MTMR7: variants seen among roughly 807,000 people sequenced by gnomAD.
The protein encoded by MTMR7 is myotubularin related protein 7, also known as phosphatidylinositol-3-phosphate phosphatase MTMR7.
In MTMR7, 76 loss-of-function variants were observed where a neutral mutation model predicts 81.2. That is an observed-to-expected ratio of 0.94 (90% CI 0.78 to 1.13). The LOEUF (loss-of-function observed/expected upper bound fraction) is 1.13, where lower values mean the gene tolerates loss of function less well. Ranked by LOEUF, MTMR7 falls within the 50% of genes most tolerant of loss-of-function variation. The pLI, the probability that MTMR7 is intolerant of heterozygous loss-of-function variation, is 0.00. For missense variants in MTMR7, 1,044 were observed against 820.0 expected (o/e 1.27, Z -3.34); for synonymous variants, 372 against 289.8 (o/e 1.28, Z -2.88).
chr8:17,400,952 G>C (rs1821408840), intron 1 of MTMR7, among the ~76,000 whole-genome samples: 1 of 152,176 alleles, frequency 6.6e-6, no homozygotes, highest in Non-Finnish European at 1.5e-5. Context: ...AAAAGTTGAA[G>C]TCTGGTGGTC....
intron 1 of MTMR7, among the ~76,000 whole-genome samples, chr8:17,403,133 T>C (rs1286207417): frequency 6.6e-6 from 1 of 152,246 alleles, no homozygotes; most frequent in Non-Finnish European, 1.5e-5. Context: ...GAGCCCCTTA[T>C]ATATTCTGGT....
At chr8:17,316,051 C>T (rs945571579) in intron 7 of MTMR7, among the ~76,000 whole-genome samples, 1 of 152,122 alleles carries the variant, frequency 6.6e-6, no homozygotes, top group African/African-American at 2.4e-5. Context: ...CTCGTGTTTT[C>T]GTGTCATCCT....
At chr8:17,342,152 G>T (rs534422792) in intron 5 of MTMR7, among the ~76,000 whole-genome samples, 1 of 152,298 alleles carries the variant, frequency 6.6e-6, no homozygotes, top group East Asian at 1.9e-4. Flanking sequence ...AATTCTGACA[G>T]AGTAGATTGC....
rs541480668 is a variant in MTMR7, at chr8:17,377,628, A to C, written c.25-4388T>G. Reference sequence around the variant, plus strand: ...TTTCAGATTTCACAGTCAGTTTGTTAACTGTCATTCTTTTTGTTTAATAAC... The same window carrying C: ...TTTCAGATTTCACAGTCAGTTTGTTCACTGTCATTCTTTTTGTTTAATAAC... On this transcript the variant is annotated intron_variant, in intron 1 of 13. Coordinates refer to ENST00000180173, the MANE Select transcript of MTMR7 (RefSeq NM_004686.5). Among the ~76,000 whole-genome samples, 13 of 152,144 alleles carry C rather than the reference A, an allele frequency of 8.5e-5. 2 individuals carry two copies. The highest frequency in any genetic ancestry group is 3.1e-4 in the African/African-American group (13 of 41,532).
chr8:17,393,081 G>T (rs1032971479), intron 1 of MTMR7, among the ~76,000 whole-genome samples: 1 of 152,172 alleles, frequency 6.6e-6, no homozygotes, highest in Non-Finnish European at 1.5e-5. Context: ...GATAGACAAA[G>T]ATATTAAAGG....
chr8:17,363,823 T>C (rs951062478), intron 3 of MTMR7, among the ~76,000 whole-genome samples: 3 of 151,796 alleles, frequency 2.0e-5, no homozygotes, highest in Admixed American at 1.3e-4. Context: ...ATTGTTCCCA[T>C]GTCATAATTT....
At chr8:17,356,575 G>A (rs1360825127) in intron 4 of MTMR7, among the ~76,000 whole-genome samples, 1 of 152,020 alleles carries the variant, frequency 6.6e-6, no homozygotes, top group African/African-American at 2.4e-5. Flanking sequence ...TTATCTGGTT[G>A]TGGTGGTGGG....
intron 1 of MTMR7, among the ~76,000 whole-genome samples, chr8:17,389,541 T>G (rs1189496856): frequency 6.6e-6 from 1 of 152,224 alleles, no homozygotes; most frequent in Non-Finnish European, 1.5e-5. Context: ...TTTGCCTATC[T>G]TTGTAGCCTG....
At chr8:17,394,963 A>AT (rs758931156) in intron 1 of MTMR7, among the ~76,000 whole-genome samples, 10 of 152,324 alleles carry the variant, frequency 6.6e-5, no homozygotes, top group Non-Finnish European at 1.5e-4. Flanking sequence ...TTTTAAGCGT[A>AT]TAATTCAGTG....
At chr8:17,331,867 C>T (rs916043961) in intron 6 of MTMR7, among the ~76,000 whole-genome samples, 4 of 152,068 alleles carry the variant, frequency 2.6e-5, no homozygotes, top group African/African-American at 7.2e-5. Context: ...TTCCACCAGC[C>T]GCCTTATTTA....
chr8:17,305,626 A>G, intron 11 of MTMR7, 131 bp downstream of exon 11: 1 of 697,070 alleles, frequency 1.4e-6, no homozygotes, highest in South Asian at 2.1e-5. Context: ...AAAAGAAAAT[A>G]AAACTAATCT....
intron 1 of MTMR7, among the ~76,000 whole-genome samples, chr8:17,382,578 T>C (rs1234718891): frequency 6.6e-6 from 1 of 152,182 alleles, no homozygotes; most frequent in African/African-American, 2.4e-5. Context: ...CGTCCATCCA[T>C]CTTCTTTTCT....
intron 4 of MTMR7, among the ~76,000 whole-genome samples, chr8:17,357,090 G>A (rs2150554025): frequency 6.6e-6 from 1 of 152,070 alleles, no homozygotes; most frequent in East Asian, 1.9e-4. Flanking sequence ...AAGAGGGAAG[G>A]ATGAGTAATT....
At chr8:17,308,944 G>A (rs1455924228) in intron 10 of MTMR7, among the ~76,000 whole-genome samples, 1 of 152,194 alleles carries the variant, frequency 6.6e-6, no homozygotes, top group Non-Finnish European at 1.5e-5. Flanking sequence ...GCAGACTAAA[G>A]TGAATCTCTG....
intron 10 of MTMR7, among the ~76,000 whole-genome samples, chr8:17,309,061 C>A (rs990136389): frequency 1.3e-5 from 2 of 152,210 alleles, no homozygotes; most frequent in Non-Finnish European, 2.9e-5. Context: ...TCTTCTAGAA[C>A]AAGTTAACAT....
chr8:17,327,675 ATGTC>A (rs1818759790), intron 7 of MTMR7, among the ~76,000 whole-genome samples: 1 of 152,206 alleles, frequency 6.6e-6, no homozygotes, highest in Admixed American at 6.5e-5. Flanking sequence ...CAAATATATT[ATGTC>A]TGTCTAAGCC....
chr8:17,337,772 C>T (rs945893705), intron 6 of MTMR7, among the ~76,000 whole-genome samples: 5 of 152,202 alleles, frequency 3.3e-5, no homozygotes, highest in African/African-American at 7.2e-5. Flanking sequence ...CATGCCACCA[C>T]ATCCAGCTCA....
intron 1 of MTMR7, among the ~76,000 whole-genome samples, chr8:17,376,026 T>C (rs1233838021): frequency 1.3e-5 from 2 of 152,176 alleles, no homozygotes; most frequent in African/African-American, 4.8e-5. Flanking sequence ...TTTTAAAACA[T>C]TTTCATCACC....
At chr8:17,354,159 A>G (rs1429923596) in intron 4 of MTMR7, among the ~76,000 whole-genome samples, 1 of 152,240 alleles carries the variant, frequency 6.6e-6, no homozygotes, top group Non-Finnish European at 1.5e-5. Flanking sequence ...ATCTATACAG[A>G]CAATCTTCTT....
Sources: allele counts gnomAD v4.1 joint callset (sites outside exome capture counted in the v4.1 genomes callset), GRCh38; gene constraint gnomAD v4.1.1; transcripts MANE v1.5; gene names NCBI Gene and HGNC (gene_info 2026-07-23, HGNC 2026-07-21).